The following HELLS variants were observed in gnomAD, a reference collection of about 807,000 sequenced individuals.
HELLS encodes helicase, lymphoid specific.
A neutral mutation model predicts 120.0 loss-of-function variants in HELLS; 32 were observed. That is an observed-to-expected ratio of 0.27 (90% CI 0.20 to 0.36). The LOEUF (loss-of-function observed/expected upper bound fraction) is 0.36, where lower values mean the gene tolerates loss of function less well. Among genes scored for constraint, HELLS ranks in the 10% least tolerant of loss-of-function variants. HELLS has a pLI of 1.00. For synonymous variants in HELLS, 341 were observed against 323.4 expected (o/e 1.05, Z -0.58); for missense variants, 650 against 993.4 (o/e 0.65, Z 4.65).
intron 21 of HELLS, among the ~76,000 whole-genome samples, chr10:94,597,699 A>C (rs1300192505): frequency 2.6e-5 from 4 of 151,860 alleles, no homozygotes; most frequent in Non-Finnish European, 1.5e-5. Context: ...CACCTGGCTA[A>C]TTTTTGTATC....
intron 13 of HELLS, among the ~76,000 whole-genome samples, chr10:94,590,066 G>T (rs1297875639): frequency 6.6e-6 from 1 of 152,092 alleles, no homozygotes; most frequent in African/African-American, 2.4e-5. Context: ...GTCTGTTAAT[G>T]AGCAATTTCA....
intron 9 of HELLS, among the ~76,000 whole-genome samples, chr10:94,576,134 G>C (rs113286453): frequency 0.012 from 1,812 of 151,322 alleles, 54 homozygotes; most frequent in African/African-American, 0.042. Flanking sequence ...TTTGTCTTCA[G>C]ACAGGATGTT....
chr10:94,609,011 CTTTTTTTTTTTT>C (rs71031590), intron 9 of HELLS, among the ~76,000 whole-genome samples: 56 of 68,238 alleles, frequency 8.2e-4, no homozygotes, highest in Middle Eastern at 0.011. Context: ...GTATCCACCT[CTTTTTTTTTTTT>C]TTTTTTTTTT....
intron 6 of HELLS, among the ~76,000 whole-genome samples, chr10:94,565,196 G>A (rs1843730789): frequency 6.6e-6 from 1 of 152,196 alleles, no homozygotes; most frequent in African/African-American, 2.4e-5. Context: ...AATTAGCTGG[G>A]AATGGTGGCT....
downstream of HELLS, among the ~76,000 whole-genome samples, chr10:94,606,820 A>G (rs1319099700): frequency 1.3e-5 from 2 of 152,174 alleles, no homozygotes; most frequent in Admixed American, 6.5e-5. Context: ...AAATCTCTCT[A>G]AGCTCCATGC....
intron 6 of HELLS, among the ~76,000 whole-genome samples, chr10:94,564,234 C>T (rs543535578): frequency 6.6e-6 from 1 of 152,282 alleles, no homozygotes; most frequent in South Asian, 2.1e-4. Flanking sequence ...GTGGAAACAA[C>T]AGGCATGGGC....
rs189355002 is a variant in HELLS, at chr10:94,563,343, G to T, written c.435+467G>T. On this transcript the variant is annotated intron_variant, in intron 6 of 21. Transcript: ENST00000348459. ...ACTCCTGACTTAAGGTGATCCGCCC[G>T]CCTCGGTCTCCTAAAATGCCACATT... 3.2e-3 allele frequency among the ~76,000 whole-genome samples: 488 copies of T among 152,244 alleles called. 2 individuals are homozygous for T. The highest frequency in any genetic ancestry group is 0.011 in the African/African-American group (471 of 41,560).
intron 8 of HELLS, 74 bp downstream of exon 8, chr10:94,574,261 A>C: frequency 1.0e-6 from 1 of 953,966 alleles, no homozygotes; most frequent in Non-Finnish European, 1.6e-6. Context: ...AGGTACCACA[A>C]CTTGAGTCAT....
intron 21 of HELLS, among the ~76,000 whole-genome samples, chr10:94,599,384 C>T (rs553221887): frequency 1.3e-4 from 20 of 152,236 alleles, no homozygotes; most frequent in East Asian, 3.9e-4. Flanking sequence ...GACAAAGTCT[C>T]GTTCTGTCAC....
chr10:94,581,565 T>C (rs1844869904), intron 11 of HELLS, 43 bp downstream of exon 11: 5 of 1,398,436 alleles, frequency 3.6e-6, no homozygotes, highest in African/African-American at 2.9e-5. Context: ...CAAAAATCTG[T>C]GCTGTTAGTT....
intron 2 of HELLS, among the ~76,000 whole-genome samples, chr10:94,546,849 A>T (rs1842773820): frequency 6.6e-6 from 1 of 152,200 alleles, no homozygotes; most frequent in Non-Finnish European, 1.5e-5. Context: ...TGTATGTCTC[A>T]TGGCAAACAG....
intron 15 of HELLS, 96 bp downstream of exon 15, chr10:94,590,872 A>G: frequency 1.5e-6 from 1 of 657,398 alleles, no homozygotes; most frequent in Non-Finnish European, 2.4e-6. Context: ...ATTAAAAATA[A>G]GTATGGTGCT....
At chr10:94,561,336 G>C (rs1273299834) in intron 4 of HELLS, among the ~76,000 whole-genome samples, 2 of 152,070 alleles carry the variant, frequency 1.3e-5, no homozygotes, top group African/African-American at 2.4e-5. Context: ...AATTTTACTG[G>C]CTTAGTCATT....
intron 4 of HELLS, among the ~76,000 whole-genome samples, chr10:94,561,637 C>T (rs1161317704): frequency 2.0e-5 from 3 of 151,892 alleles, no homozygotes; most frequent in African/African-American, 4.8e-5. Context: ...AGCTAATTTT[C>T]GCATTTTTTA....
At chr10:94,609,112 C>T (rs1383265860) in intron 9 of HELLS, among the ~76,000 whole-genome samples, 4 of 149,888 alleles carry the variant, frequency 2.7e-5, no homozygotes, top group Non-Finnish European at 4.4e-5. Flanking sequence ...CAACTTCCAC[C>T]TCCCAGGTTC....
chr10:94,590,361 C>T (rs1484130372), intron 13 of HELLS, 52 bp from the exon 14 acceptor site: 4 of 1,476,622 alleles, frequency 2.7e-6, no homozygotes, highest in Non-Finnish European at 3.7e-6. Context: ...ACATTTAGAA[C>T]CTAAGGACAT....
At chr10:94,577,338 T>A in intron 10 of HELLS, 1 of 238,054 alleles carries the variant, frequency 4.2e-6, no homozygotes, top group East Asian at 1.3e-4. Context: ...CTCACTGCTC[T>A]ACCTCATTCA....
chr10:94,586,678 TTTA>T lies in HELLS; in HGVS notation c.1327-1541_1327-1539del, dbSNP rs202244807. 3.5e-3 allele frequency among the ~76,000 whole-genome samples: 531 copies of T among 152,098 alleles called. 4 individuals carry two copies. Among genetic ancestry groups the T allele is most frequent in the African/African-American group, 0.012 (506 of 41,500 alleles). ...GGTATAAAGAGTATACAATTATTTG[TTTA>T]TTATTATTAGTAGTAGTAGTAGTAT... On this transcript the variant is annotated intron_variant, in intron 12 of 21. Transcript: ENST00000348459.
intron 4 of HELLS, 52 bp downstream of exon 4, chr10:94,558,247 A>G: frequency 1.3e-6 from 2 of 1,505,748 alleles, no homozygotes; most frequent in Non-Finnish European, 1.8e-6. Flanking sequence ...TTGAAGAAAT[A>G]CTTTTGTATT....
Sources: gnomAD v4.1 joint callset for allele counts (sites outside exome capture counted in the v4.1 genomes callset) on GRCh38, gnomAD v4.1.1 for gene constraint, MANE v1.5 for transcripts, NCBI Gene and HGNC (gene_info 2026-07-23, HGNC 2026-07-21) for gene names.